Variants in ANKRD13C observed in about 807,000 individuals in gnomAD.
ANKRD13C encodes the protein ankyrin repeat domain 13C.
In ANKRD13C, 16 loss-of-function variants were observed where a neutral mutation model predicts 65.5. That is an observed-to-expected ratio of 0.24 (90% CI 0.17 to 0.37). ANKRD13C has a LOEUF of 0.37. Ranked by LOEUF, ANKRD13C falls within the 10% of genes least tolerant of loss-of-function variation. The probability of loss-of-function intolerance (pLI) is 1.00; values close to 1 mark genes in which losing one functional copy is unlikely to be tolerated. For missense variants in ANKRD13C, 503 were observed against 655.9 expected (o/e 0.77, Z 2.55); for synonymous variants, 235 against 238.7 (o/e 0.98, Z 0.14).
At chr1:70,323,560 T>C (rs1368709677) in intron 3 of ANKRD13C, among the ~76,000 whole-genome samples, 1 of 151,696 alleles carries the variant, frequency 6.6e-6, no homozygotes. Flanking sequence ...GGAGAACCCC[T>C]TGAATGCAGG....
chr1:70,354,338 T>G lies in ANKRD13C; in HGVS notation c.71A>C (p.Glu24Ala). ...KPSKEEGDLL[E>A]PGDEEAAAAL... ...AGCCGCCGCTTCCTCATCCCCGGGC[T>G]CCAGCAGGTCCCCTTCTTCTTTGCT... Residue 24 changes from glutamate (E) to alanine (A), a missense_variant, in exon 1 of 13, where the codon GAG (glutamate) becomes GCG (alanine). Around this residue, in one of 2 missense-constraint regions of ANKRD13C, gnomAD observed 203 missense variants for 177.6 expected, o/e 1.14. Transcript: ENST00000370944. 6.2e-7 allele frequency: 1 copy of G among 1,614,024 alleles called. No homozygotes were observed. The highest frequency in any genetic ancestry group is 8.5e-7 in the Non-Finnish European group (1 of 1,179,996).
chr1:70,278,514 A>G (rs1679242803), intron 9 of ANKRD13C, among the ~76,000 whole-genome samples: 1 of 152,092 alleles, frequency 6.6e-6, no homozygotes, highest in East Asian at 1.9e-4. Context: ...GAGCGACTCT[A>G]TGTCTCAAGA....
chr1:70,294,741 T>C (rs951636227), intron 8 of ANKRD13C, among the ~76,000 whole-genome samples: 9 of 151,826 alleles, frequency 5.9e-5, no homozygotes, highest in African/African-American at 2.2e-4. Context: ...TCGTCTCACC[T>C]CATCCTTCCA....
chr1:70,269,310 A>G (rs1678777738), intron 12 of ANKRD13C, among the ~76,000 whole-genome samples: 1 of 152,176 alleles, frequency 6.6e-6, no homozygotes, highest in Non-Finnish European at 1.5e-5. Context: ...CTTCTCATAT[A>G]ATGAAAATAT....
intron 12 of ANKRD13C, among the ~76,000 whole-genome samples, chr1:70,270,180 T>C (rs1678817635): frequency 6.6e-6 from 1 of 152,206 alleles, no homozygotes; most frequent in Admixed American, 6.5e-5. Context: ...ACATTCTCAC[T>C]ACACAGAAAC....
At chr1:70,286,422 T>C (rs993417234) in intron 9 of ANKRD13C, among the ~76,000 whole-genome samples, 1 of 152,088 alleles carries the variant, frequency 6.6e-6, no homozygotes, top group Non-Finnish European at 1.5e-5. Flanking sequence ...TTCCTAGTAA[T>C]TATTAAATGA....
intron 5 of ANKRD13C, among the ~76,000 whole-genome samples, chr1:70,311,765 T>C (rs1486688613): frequency 1.3e-5 from 2 of 152,196 alleles, no homozygotes; most frequent in Admixed American, 1.3e-4. Context: ...CTGAGGATAA[T>C]TTTAGTATTA....
At chr1:70,306,617 C>A (rs1680596127) in intron 5 of ANKRD13C, among the ~76,000 whole-genome samples, 1 of 152,040 alleles carries the variant, frequency 6.6e-6, no homozygotes, top group Non-Finnish European at 1.5e-5. Context: ...ACTAAACCCT[C>A]CTGAATGGGT....
At position 70,260,313 on chromosome 1, in the gene ANKRD13C, A is replaced by G. The variant is rs183593096; in HGVS notation, c.*2404T>C. ...CAGAGAATTATTTTCTCAAAGATGG[A>G]AACCATATCTTCTCTGGATACCATA... On this transcript the variant is annotated 3_prime_UTR_variant, in exon 13 of 13. Transcript: ENST00000370944. 4.1e-4 allele frequency among the ~76,000 whole-genome samples: 62 copies of G among 152,290 alleles called. No individual in the cohort carries two copies. Among genetic ancestry groups the G allele is most frequent in the African/African-American group, 1.5e-3 (61 of 41,582 alleles).
intron 2 of ANKRD13C, among the ~76,000 whole-genome samples, chr1:70,330,808 C>T (rs996600303): frequency 3.9e-5 from 6 of 151,998 alleles, no homozygotes; most frequent in Admixed American, 6.6e-5. Context: ...GTTTGAAAAA[C>T]CTTTCTCTCA....
At chr1:70,268,959 T>A (rs1488605172) in intron 12 of ANKRD13C, among the ~76,000 whole-genome samples, 1 of 152,114 alleles carries the variant, frequency 6.6e-6, no homozygotes, top group Admixed American at 6.6e-5. Flanking sequence ...TACATATGTA[T>A]ACATGTGCCA....
intron 1 of ANKRD13C, 146 bp downstream of exon 1, chr1:70,353,833 A>T: frequency 8.9e-7 from 1 of 1,121,704 alleles, no homozygotes; most frequent in African/African-American, 1.6e-5. Flanking sequence ...GCACGCTATT[A>T]CTGAGTCGAT....
intron 3 of ANKRD13C, among the ~76,000 whole-genome samples, chr1:70,323,600 G>A (rs1329967618): frequency 1.3e-5 from 2 of 151,468 alleles, no homozygotes; most frequent in African/African-American, 4.8e-5. Flanking sequence ...CCAAGATTGT[G>A]CCATTGCATT....
Position 70,315,436 on chromosome 1 carries a change from A to C in ANKRD13C, c.663+45T>G, listed in dbSNP as rs779214886. ...GAAAAAAATGCTTAAAACTACACTT[A>C]TAATTACTTCCAAGGTGCAAAATTA... is the stretch of plus-strand genomic sequence containing the variant. On this transcript the variant is annotated intron_variant, in intron 4 of 12. Coordinates refer to ENST00000370944, the MANE Select transcript of ANKRD13C (RefSeq NM_030816.5). The C allele has an allele frequency of 4.0e-6, 6 of 1,513,348 alleles. No homozygotes were observed. In the African/African-American group the frequency reaches 8.3e-5, roughly 21 times the overall value. The allele number at this position is 1,513,348 out of a possible 1,614,324, so 93.7% of individuals were successfully genotyped here.
chr1:70,267,986 G>T (rs762049986), intron 12 of ANKRD13C, among the ~76,000 whole-genome samples: 1 of 152,160 alleles, frequency 6.6e-6, no homozygotes, highest in Non-Finnish European at 1.5e-5. Context: ...AAATAGCTTG[G>T]CTGTGAAAAG....
chr1:70,273,619 T>C (rs1416204967), intron 11 of ANKRD13C, among the ~76,000 whole-genome samples: 1 of 151,844 alleles, frequency 6.6e-6, no homozygotes, highest in African/African-American at 2.4e-5. Flanking sequence ...GGAAAAAGAA[T>C]AGACGAAAAT....
intron 8 of ANKRD13C, 85 bp downstream of exon 8, chr1:70,296,045 T>C: frequency 5.4e-6 from 8 of 1,487,796 alleles, no homozygotes; most frequent in East Asian, 2.3e-5. Context: ...TTCTGTAAGC[T>C]ACTTCTTGCA....
chr1:70,297,420 A>G (rs966458028), intron 7 of ANKRD13C, among the ~76,000 whole-genome samples: 8 of 149,134 alleles, frequency 5.4e-5, no homozygotes, highest in Non-Finnish European at 1.0e-4. Flanking sequence ...CAGCCTCCTG[A>G]GTAGCTGGGA....
chr1:70,271,756 G>T (rs1219389705), intron 11 of ANKRD13C, among the ~76,000 whole-genome samples: 1 of 152,056 alleles, frequency 6.6e-6, no homozygotes, highest in Non-Finnish European at 1.5e-5. Flanking sequence ...ATTTTTCGTG[G>T]AACCTAATGT....
Sources: allele counts gnomAD v4.1 joint callset (sites outside exome capture counted in the v4.1 genomes callset), GRCh38; gene constraint gnomAD v4.1.1; regional missense constraint gnomAD v4.1.1; transcripts MANE v1.5; gene names NCBI Gene and HGNC (gene_info 2026-07-23, HGNC 2026-07-21).